KLRG1: variants seen among roughly 807,000 people sequenced by gnomAD.
KLRG1 encodes killer cell lectin like receptor G1.
A neutral mutation model predicts 21.8 loss-of-function variants in KLRG1; 16 were observed. That is an observed-to-expected ratio of 0.73 (90% confidence interval 0.50 to 1.11). The LOEUF is 1.11. Ranked by LOEUF, KLRG1 falls within the 50% of genes most tolerant of loss-of-function variation. KLRG1 has a pLI of 0.00. For synonymous variants in KLRG1, 69 were observed against 75.9 expected, an observed-to-expected ratio of 0.91 and a Z score of 0.47; for missense variants, 173 against 218.3, an observed-to-expected ratio of 0.79 and a Z score of 1.31.
At chr12:9,108,350 T>C in the KLRG1 span, among the ~76,000 whole-genome samples, 4 of 152,084 alleles carry the variant, frequency 2.6e-5, no homozygotes, top group African/African-American at 9.7e-5. Flanking sequence ...ATGGTCTTGA[T>C]CTCCTGACCT....
At chr12:8,957,734 G>A (rs532111950) in intron 1 of KLRG1, among the ~76,000 whole-genome samples, 6 of 152,120 alleles carry the variant, frequency 3.9e-5, no homozygotes, top group Non-Finnish European at 7.4e-5. Context: ...GGACACTAAC[G>A]GGCAGGGAGT....
At chr12:9,056,103 C>T in the KLRG1 span, among the ~76,000 whole-genome samples, 1 of 152,148 alleles carries the variant, frequency 6.6e-6, no homozygotes. Context: ...AACTGCCTAT[C>T]GGCTGCAGGG....
At chr12:9,193,212 C>T in the KLRG1 span, among the ~76,000 whole-genome samples, 1 of 152,120 alleles carries the variant, frequency 6.6e-6, no homozygotes, top group Non-Finnish European at 1.5e-5. Context: ...ACCTTTAAGA[C>T]CTATGTGATT....
At chr12:9,049,981 A>T in the KLRG1 span, among the ~76,000 whole-genome samples, 11 of 152,228 alleles carry the variant, frequency 7.2e-5, no homozygotes, top group African/African-American at 2.7e-4. Context: ...ATCAAGATGC[A>T]TAACTACGCT....
the KLRG1 span, chr12:9,104,308 C>T: frequency 1.5e-5 from 24 of 1,612,688 alleles, no homozygotes; most frequent in East Asian, 4.5e-5. Context: ...CATGCTCATC[C>T]GTGGTAGCAT....
At chr12:9,113,259 C>A in the KLRG1 span, 13 of 1,251,898 alleles carry the variant, frequency 1.0e-5, no homozygotes, top group South Asian at 1.7e-4. Context: ...TTCCTTCCTG[C>A]AGTTCTTACC....
At chr12:9,158,279 G>T in the KLRG1 span, 2 of 1,279,736 alleles carry the variant, frequency 1.6e-6, no homozygotes, top group Non-Finnish European at 2.2e-6. Flanking sequence ...TCTGTAGAAA[G>T]TGTAATACTC....
At chr12:9,038,621 T>C in the KLRG1 span, among the ~76,000 whole-genome samples, 1 of 152,202 alleles carries the variant, frequency 6.6e-6, no homozygotes, top group Non-Finnish European at 1.5e-5. Context: ...CACAAAATCA[T>C]GGCCAGAGAA....
the KLRG1 span, chr12:9,112,443 C>T: frequency 6.2e-7 from 1 of 1,613,924 alleles, no homozygotes; most frequent in Non-Finnish European, 8.5e-7. Context: ...TCGTTCTTAA[C>T]CATCACTGTG....
the KLRG1 span, among the ~76,000 whole-genome samples, chr12:9,212,620 T>C: frequency 1.4e-4 from 21 of 152,198 alleles, no homozygotes; most frequent in Non-Finnish European, 3.1e-4. Flanking sequence ...TAGTTTTGTC[T>C]TAAAATATCT....
the KLRG1 span, chr12:9,076,967 C>A: frequency 6.5e-7 from 1 of 1,527,124 alleles, no homozygotes; most frequent in South Asian, 1.3e-5. Context: ...GGGAACTAAG[C>A]TATGTAAACA....
At chr12:9,053,930 C>T in the KLRG1 span, among the ~76,000 whole-genome samples, 1 of 152,320 alleles carries the variant, frequency 6.6e-6, no homozygotes, top group East Asian at 1.9e-4. Context: ...ATTCTCCTTA[C>T]CCCAGCCAAT....
At chr12:9,107,519 C>T in the KLRG1 span, 1 of 1,613,782 alleles carries the variant, frequency 6.2e-7, no homozygotes, top group Non-Finnish European at 8.5e-7. Context: ...TAGTGTTCAA[C>T]CTACCTGTCC....
chr12:8,985,197 T>A (rs1946823539), upstream of KLRG1, among the ~76,000 whole-genome samples: 1 of 151,756 alleles, frequency 6.6e-6, no homozygotes, highest in South Asian at 2.1e-4. Context: ...GAACTTGATA[T>A]ATTTTAAGAG....
the KLRG1 span, chr12:9,152,454 C>T: frequency 1.5e-6 from 1 of 653,772 alleles, no homozygotes; most frequent in Non-Finnish European, 2.7e-6. Flanking sequence ...TGGACTTGTG[C>T]AACACTGACA....
the KLRG1 span, chr12:9,028,648 T>C: frequency 2.6e-6 from 1 of 386,874 alleles, no homozygotes; most frequent in South Asian, 2.1e-5. Flanking sequence ...TTCACCATTT[T>C]GTCCAGGATG....
chr12:9,150,456 G>A, the KLRG1 span, among the ~76,000 whole-genome samples: 1 of 151,988 alleles, frequency 6.6e-6, no homozygotes, highest in Non-Finnish European at 1.5e-5. Context: ...CTAATTTTTT[G>A]TATTTTTAGT....
chr12:9,196,542 T>A, the KLRG1 span: 1 of 1,576,282 alleles, frequency 6.3e-7, no homozygotes, highest in Non-Finnish European at 8.7e-7. Context: ...ACTATTGTTT[T>A]ATTTCCCATA....
chr12:9,042,295 C>T, the KLRG1 span, among the ~76,000 whole-genome samples: 2 of 152,112 alleles, frequency 1.3e-5, no homozygotes, highest in Non-Finnish European at 2.9e-5. Context: ...GAAAACAAAA[C>T]TGTTTCTCAT....
Sources: gnomAD v4.1 joint callset for allele counts (sites outside exome capture counted in the v4.1 genomes callset) on GRCh38, gnomAD v4.1.1 for gene constraint, MANE v1.5 for transcripts, NCBI Gene and HGNC (gene_info 2026-07-23, HGNC 2026-07-21) for gene names.